The following NTM variants were observed in gnomAD, a reference collection of about 807,000 sequenced individuals.
NTM encodes neurotrimin.
In NTM, 13 loss-of-function variants were observed where a neutral mutation model predicts 42.1. That is an observed-to-expected ratio of 0.31 (90% CI 0.20 to 0.49). NTM has a LOEUF of 0.49. Ranked by LOEUF, NTM falls within the 20% of genes least tolerant of loss-of-function variation. The pLI is 0.99. For synonymous variants in NTM, 187 were observed against 179.2 expected (o/e 1.04, Z -0.35); for missense variants, 373 against 452.8 (o/e 0.82, Z 1.60).
intron 2 of NTM, among the ~76,000 whole-genome samples, chr11:132,126,025 G>A (rs1190814316): frequency 6.6e-6 from 1 of 152,022 alleles, no homozygotes; most frequent in African/African-American, 2.4e-5. Context: ...GTGGAGCCTC[G>A]CTTTCCATAA....
At chr11:131,484,045 A>G (rs12224624) in intron 1 of NTM, among the ~76,000 whole-genome samples, 3,574 of 152,326 alleles carry the variant, frequency 0.023, 145 homozygotes, top group East Asian at 0.19. Flanking sequence ...GGAGACAACA[A>G]AACCAAAGGT....
At chr11:132,070,062 A>T (rs1180914872) in intron 2 of NTM, among the ~76,000 whole-genome samples, 3 of 147,714 alleles carry the variant, frequency 2.0e-5, no homozygotes, top group Non-Finnish European at 3.0e-5. Flanking sequence ...AACACGTCAC[A>T]CAGCCAAGTT....
intron 2 of NTM, among the ~76,000 whole-genome samples, chr11:132,004,605 T>TTCTCTCTCTCTCTCTCTCTCTCTCTCTC (rs71480226): frequency 6.9e-6 from 1 of 144,046 alleles, no homozygotes; most frequent in Non-Finnish European, 1.5e-5. Context: ...CTTTCTCTCT[T>TTCTCTCTCTCTCTCTCTCTCTCTCTCTC]TCTCTCTCTC....
intron 2 of NTM, among the ~76,000 whole-genome samples, chr11:132,078,538 G>T (rs1276239795): frequency 1.3e-5 from 2 of 152,198 alleles, no homozygotes; most frequent in Admixed American, 1.3e-4. Context: ...AAATGGAGGG[G>T]AACTGGGAGT....
intron 1 of NTM, among the ~76,000 whole-genome samples, chr11:131,748,072 A>T (rs916559487): frequency 6.6e-6 from 1 of 152,260 alleles, no homozygotes; most frequent in Admixed American, 6.5e-5. Flanking sequence ...GGTACTGTTC[A>T]TATGAGATAA....
intron 1 of NTM, among the ~76,000 whole-genome samples, chr11:131,402,026 T>A (rs1945298388): frequency 1.3e-5 from 2 of 150,904 alleles, no homozygotes; most frequent in Middle Eastern, 6.8e-3. Context: ...GCATGCCCTG[T>A]GAGCAGGGAG....
intron 7 of NTM, among the ~76,000 whole-genome samples, chr11:132,326,157 TAAAGTAA>T (rs1352754919): frequency 6.6e-6 from 1 of 151,798 alleles, no homozygotes; most frequent in East Asian, 1.9e-4. Context: ...CCCTAAAACT[TAAAGTAA>T]AATAATAATA....
At chr11:132,226,114 A>G (rs1483426367) in intron 4 of NTM, among the ~76,000 whole-genome samples, 1 of 152,172 alleles carries the variant, frequency 6.6e-6, no homozygotes, top group Non-Finnish European at 1.5e-5. Flanking sequence ...TCTATCATTG[A>G]TGGACATTTG....
At chr11:131,837,379 T>C (rs1008459653) in intron 1 of NTM, among the ~76,000 whole-genome samples, 1 of 152,330 alleles carries the variant, frequency 6.6e-6, no homozygotes, top group African/African-American at 2.4e-5. Flanking sequence ...CTTCTCATTA[T>C]AATTTGGGTA....
At chr11:131,892,234 G>A (rs1157590487) in intron 1 of NTM, among the ~76,000 whole-genome samples, 1 of 152,094 alleles carries the variant, frequency 6.6e-6, no homozygotes, top group Non-Finnish European at 1.5e-5. Context: ...AATGGGACAT[G>A]GTTCTGCTAG....
rs1352044024 is a variant in NTM at position 131,911,590 on chromosome 11, A to G, written c.109A>G (p.Thr37Ala). 1 of 1,613,996 alleles carries G rather than the reference A, an allele frequency of 6.2e-7. No individual in the cohort carries two copies. Among genetic ancestry groups the G allele is most frequent in the African/African-American group, 1.3e-5 (1 of 74,906 alleles). The change falls in exon 2 of 9, where the codon ACC becomes GCC. Residue 37 changes from threonine (T) to alanine (A), a missense_variant. Coordinates refer to ENST00000683400, the MANE Select transcript of NTM (RefSeq NM_001352005.2). ...QGVPVRSGDA[T>A]FPKAMDNVTV... ...AGTGCCCGTGCGCAGCGGAGATGCC[A>G]CCTTCCCCAAAGCTATGGACAACGT...
At chr11:131,989,480 C>T (rs993917721) in intron 2 of NTM, among the ~76,000 whole-genome samples, 7 of 152,146 alleles carry the variant, frequency 4.6e-5, no homozygotes, top group East Asian at 1.9e-4. Context: ...ACTTAACTCG[C>T]GGGATCAGAA....
At chr11:131,451,999 C>G (rs1352297701) in intron 1 of NTM, among the ~76,000 whole-genome samples, 1 of 152,202 alleles carries the variant, frequency 6.6e-6, no homozygotes, top group South Asian at 2.1e-4. Context: ...CTCCGATGAC[C>G]CTGGCTCCTC....
At chr11:131,589,151 C>G (rs1232333096) in intron 1 of NTM, among the ~76,000 whole-genome samples, 2 of 141,820 alleles carry the variant, frequency 1.4e-5, no homozygotes, top group Non-Finnish European at 2.9e-5. Flanking sequence ...AACCATGCCA[C>G]TCTTAACCTG....
chr11:131,511,792 CA>C (rs1207477659), intron 1 of NTM, among the ~76,000 whole-genome samples: 1 of 152,186 alleles, frequency 6.6e-6, no homozygotes, highest in Non-Finnish European at 1.5e-5. Context: ...CCAGAATCCT[CA>C]GCTCTTACAG....
chr11:131,911,341 T>C lies in NTM; in HGVS notation c.83-223T>C. ...AGACTCGGAGGAGTCTGCGCGCTTTTCTCCTCCCCGCGCCTCCCGGTCGCC... is the reference window on the plus strand; with the variant it reads ...AGACTCGGAGGAGTCTGCGCGCTTTCCTCCTCCCCGCGCCTCCCGGTCGCC... On this transcript the variant is annotated intron_variant, in intron 1 of 8. Coordinates refer to ENST00000683400, the MANE Select transcript of NTM (RefSeq NM_001352005.2). 4.0e-6 allele frequency: 6 copies of C among 1,500,238 alleles called. No homozygotes were observed. The South Asian group carries it at 6.6e-5, about 17-fold the overall frequency. The allele number at this position is 1,500,238 out of a possible 1,614,324, so 92.9% of individuals were successfully genotyped here. A position where few individuals can be genotyped will look rare whatever the true frequency, so the allele number is the denominator to read the frequency against.
At chr11:132,056,727 CTG>C (rs956613711) in intron 2 of NTM, among the ~76,000 whole-genome samples, 2 of 152,230 alleles carry the variant, frequency 1.3e-5, no homozygotes, top group African/African-American at 4.8e-5. Context: ...TTGTCAAACT[CTG>C]TCATTTCTTC....
intron 1 of NTM, among the ~76,000 whole-genome samples, chr11:131,409,923 G>A (rs1354969552): frequency 6.6e-6 from 1 of 152,150 alleles, no homozygotes; most frequent in South Asian, 2.1e-4. Context: ...AGCCTCCCAT[G>A]GCACAGCATC....
intron 2 of NTM, among the ~76,000 whole-genome samples, chr11:132,015,773 T>C (rs1180827595): frequency 6.6e-6 from 1 of 152,016 alleles, no homozygotes; most frequent in African/African-American, 2.4e-5. Flanking sequence ...TTTTGTATTA[T>C]GCAACTTTAC....
Sources: allele counts gnomAD v4.1 joint callset (sites outside exome capture counted in the v4.1 genomes callset), GRCh38; gene constraint gnomAD v4.1.1; transcripts MANE v1.5; gene names NCBI Gene and HGNC (gene_info 2026-07-23, HGNC 2026-07-21).